The following BBS9 variants were observed in gnomAD, a reference collection of about 807,000 sequenced individuals.
BBS9 encodes the protein protein PTHB1.
BBS9 carries 89 observed loss-of-function variants against 117.7 expected under a neutral mutation model. That is an observed-to-expected ratio of 0.76 (90% CI 0.64 to 0.90). The LOEUF is 0.90. BBS9 is among the 40% of genes least tolerant of loss of function. The probability of loss-of-function intolerance (pLI) is 0.00; values close to 1 mark genes in which losing one functional copy is unlikely to be tolerated. For synonymous variants in BBS9, 379 were observed against 370.9 expected, an observed-to-expected ratio of 1.02 and a Z score of -0.25; for missense variants, 982 against 1,042.2, an observed-to-expected ratio of 0.94 and a Z score of 0.80.
At chr7:33,214,155 T>A (rs1583661601) in intron 5 of BBS9, among the ~76,000 whole-genome samples, 1 of 152,182 alleles carries the variant, frequency 6.6e-6, no homozygotes, top group African/African-American at 2.4e-5. Flanking sequence ...GAAATTCAAG[T>A]TCCTACCATT....
intron 21 of BBS9, among the ~76,000 whole-genome samples, chr7:33,584,225 CTT>C (rs543371137): frequency 9.9e-5 from 15 of 151,820 alleles, no homozygotes; most frequent in Non-Finnish European, 1.9e-4. Flanking sequence ...GAAAATAAGA[CTT>C]TTTATTTTAT....
intron 5 of BBS9, among the ~76,000 whole-genome samples, chr7:33,255,002 GTTTA>G (rs3083593): frequency 0.041 from 6,285 of 152,040 alleles, 210 homozygotes; most frequent in African/African-American, 0.089. Flanking sequence ...TTTTGAATTG[GTTTA>G]TTTGTTTTTT....
At chr7:33,254,782 T>G (rs1276289011) in intron 5 of BBS9, among the ~76,000 whole-genome samples, 8 of 152,210 alleles carry the variant, frequency 5.3e-5, no homozygotes, top group Non-Finnish European at 1.0e-4. Context: ...TTGTCTGGCT[T>G]ATTTCATTTA....
chr7:33,333,872 A>C (rs1455737626), intron 9 of BBS9, among the ~76,000 whole-genome samples: 1 of 152,194 alleles, frequency 6.6e-6, no homozygotes, highest in Non-Finnish European at 1.5e-5. Context: ...TCGGCTTTCC[A>C]AAATGCTGAG....
chr7:33,149,350 C>G (rs1336234368), intron 2 of BBS9, among the ~76,000 whole-genome samples: 1 of 152,154 alleles, frequency 6.6e-6, no homozygotes, highest in East Asian at 1.9e-4. Flanking sequence ...ACAGTAATGT[C>G]AGTTGACCTC....
intron 5 of BBS9, among the ~76,000 whole-genome samples, chr7:33,201,802 A>G (rs1214258090): frequency 6.6e-6 from 1 of 152,062 alleles, no homozygotes; most frequent in Non-Finnish European, 1.5e-5. Context: ...TTTTGATGTA[A>G]TGTTTCTAGA....
At chr7:33,332,678 A>AAC (rs1814366246) in intron 9 of BBS9, among the ~76,000 whole-genome samples, 1 of 149,942 alleles carries the variant, frequency 6.7e-6, no homozygotes, top group African/African-American at 2.5e-5. Flanking sequence ...CTCCATGTCA[A>AAC]AACAACAACA....
At chr7:33,486,134 C>T (rs1425957959) in intron 19 of BBS9, among the ~76,000 whole-genome samples, 2 of 152,202 alleles carry the variant, frequency 1.3e-5, no homozygotes, top group Non-Finnish European at 2.9e-5. Context: ...AGACCCTCTG[C>T]CAGAGTTGAG....
chr7:33,347,257 T>C (rs1238892102), intron 12 of BBS9, among the ~76,000 whole-genome samples: 1 of 152,138 alleles, frequency 6.6e-6, no homozygotes, highest in Non-Finnish European at 1.5e-5. Context: ...TTTTTTATCA[T>C]TAATATTATT....
intron 3 of BBS9, 34 bp downstream of exon 3, chr7:33,152,885 G>A (rs111473409): frequency 2.5e-6 from 4 of 1,606,896 alleles, no homozygotes; most frequent in African/African-American, 2.7e-5. Context: ...TATTTTACTT[G>A]GAGTATGTCA....
chr7:33,302,895 T>A (rs951358249), intron 9 of BBS9, among the ~76,000 whole-genome samples: 1 of 152,220 alleles, frequency 6.6e-6, no homozygotes, highest in Middle Eastern at 3.2e-3. Flanking sequence ...ACAATATTGA[T>A]TCTTCCAATC....
At chr7:33,330,908 T>G (rs1813905893) in intron 9 of BBS9, among the ~76,000 whole-genome samples, 1 of 152,208 alleles carries the variant, frequency 6.6e-6, no homozygotes, top group Non-Finnish European at 1.5e-5. Context: ...TACACGGTAT[T>G]GGATTTAATT....
At chr7:33,362,678 C>T (rs1820847698) in intron 16 of BBS9, among the ~76,000 whole-genome samples, 1 of 152,076 alleles carries the variant, frequency 6.6e-6, no homozygotes, top group African/African-American at 2.4e-5. Flanking sequence ...TATAATAAGT[C>T]TTGAAGTCAG....
chr7:33,166,565 T>A (rs1795723663), intron 4 of BBS9, among the ~76,000 whole-genome samples: 1 of 152,212 alleles, frequency 6.6e-6, no homozygotes, highest in Admixed American at 6.5e-5. Flanking sequence ...GCCTCAGCAA[T>A]GGCGGATGCC....
chr7:33,431,171 A>C (rs1834396956), intron 19 of BBS9, among the ~76,000 whole-genome samples: 1 of 151,618 alleles, frequency 6.6e-6, no homozygotes, highest in Non-Finnish European at 1.5e-5. Flanking sequence ...CATTCCAACC[A>C]GCCTGGGAGT....
intron 5 of BBS9, among the ~76,000 whole-genome samples, chr7:33,223,720 C>T (rs1790716885): frequency 6.6e-6 from 1 of 151,524 alleles, no homozygotes. Flanking sequence ...TACTTGAGAT[C>T]AAAGAAGACT....
intron 9 of BBS9, among the ~76,000 whole-genome samples, chr7:33,321,876 G>A (rs77482412): frequency 6.6e-6 from 1 of 151,786 alleles, no homozygotes; most frequent in African/African-American, 2.4e-5. Context: ...CTTTTGTTGT[G>A]TTGAGGTATA....
chr7:33,607,091 T>C (rs1347297586), downstream of BBS9, among the ~76,000 whole-genome samples: 1 of 152,162 alleles, frequency 6.6e-6, no homozygotes, highest in Non-Finnish European at 1.5e-5. Context: ...TCAGAAGTCA[T>C]GTTTTCCTTT....
intron 19 of BBS9, among the ~76,000 whole-genome samples, chr7:33,485,307 A>C (rs566761485): frequency 7.9e-5 from 11 of 139,242 alleles, no homozygotes; most frequent in African/African-American, 2.8e-4. Context: ...TTAACATAAA[A>C]GTTTTTTTTT....
Sources: gnomAD v4.1 joint callset for allele counts (sites outside exome capture counted in the v4.1 genomes callset) on GRCh38, gnomAD v4.1.1 for gene constraint, MANE v1.5 for transcripts, NCBI Gene and HGNC (gene_info 2026-07-23, HGNC 2026-07-21) for gene names.